The following ENTREP2 variants were observed in gnomAD, a reference collection of about 807,000 sequenced individuals.
ENTREP2 encodes endosomal transmembrane epsin interactor 2, also known as protein ENTREP2.
chr15:29,245,130 GTAA>G, the ENTREP2 span, among the ~76,000 whole-genome samples: 1,352 of 152,202 alleles, frequency 8.9e-3, 18 homozygotes, highest in African/African-American at 0.031. Flanking sequence ...TTCAATGCAA[GTAA>G]TAAAAAACTG....
At chr15:29,595,189 G>A in the ENTREP2 span, among the ~76,000 whole-genome samples, 3 of 151,958 alleles carry the variant, frequency 2.0e-5, no homozygotes, top group African/African-American at 7.3e-5. Context: ...GGAGGCGGAG[G>A]TTGCAGTGAG....
the ENTREP2 span, among the ~76,000 whole-genome samples, chr15:29,190,306 A>G: frequency 2.0e-5 from 3 of 152,252 alleles, no homozygotes; most frequent in African/African-American, 7.2e-5. Context: ...AGGAGGTAAG[A>G]AACCATCAAT....
chr15:29,137,656 G>A, the ENTREP2 span, among the ~76,000 whole-genome samples: 2 of 152,078 alleles, frequency 1.3e-5, no homozygotes, highest in African/African-American at 4.8e-5. Flanking sequence ...TCAACATGGC[G>A]AAACCCCGTC....
chr15:29,438,018 G>A, the ENTREP2 span, among the ~76,000 whole-genome samples: 5 of 152,164 alleles, frequency 3.3e-5, no homozygotes, highest in East Asian at 9.6e-4. Flanking sequence ...TAAAAATATG[G>A]CTGCCAGGAC....
chr15:29,427,911 G>A, the ENTREP2 span, among the ~76,000 whole-genome samples: 3 of 152,108 alleles, frequency 2.0e-5, no homozygotes, highest in Non-Finnish European at 4.4e-5. Context: ...ACTACATGGT[G>A]GCTGGAGCTT....
At chr15:29,378,237 C>G in the ENTREP2 span, among the ~76,000 whole-genome samples, 1 of 151,020 alleles carries the variant, frequency 6.6e-6, no homozygotes, top group Non-Finnish European at 1.5e-5. Flanking sequence ...GTAGGAAAAC[C>G]TACTCTTGCC....
chr15:29,315,208 C>A, the ENTREP2 span, among the ~76,000 whole-genome samples: 1 of 152,032 alleles, frequency 6.6e-6, no homozygotes, highest in African/African-American at 2.4e-5. Context: ...TAAAAAAAAT[C>A]ATCATTGTCT....
the ENTREP2 span, among the ~76,000 whole-genome samples, chr15:29,333,399 C>A: frequency 6.6e-6 from 1 of 152,098 alleles, no homozygotes; most frequent in African/African-American, 2.4e-5. Context: ...GCAGCCTGGC[C>A]AGCAGTCCAG....
the ENTREP2 span, among the ~76,000 whole-genome samples, chr15:29,381,508 G>A: frequency 6.8e-6 from 1 of 147,676 alleles, no homozygotes; most frequent in Non-Finnish European, 1.5e-5. Context: ...GGTCCTTACA[G>A]GAGGACAGCA....
At chr15:29,657,973 A>G in the ENTREP2 span, among the ~76,000 whole-genome samples, 3 of 151,154 alleles carry the variant, frequency 2.0e-5, no homozygotes. Context: ...TGCTATTAAT[A>G]CGTGAAAGAA....
chr15:29,231,719 A>C, the ENTREP2 span, among the ~76,000 whole-genome samples: 1 of 152,002 alleles, frequency 6.6e-6, no homozygotes, highest in African/African-American at 2.4e-5. Context: ...TAAACATATA[A>C]AATAAAACGC....
the ENTREP2 span, among the ~76,000 whole-genome samples, chr15:29,608,636 GCT>G: frequency 9.4e-4 from 142 of 151,514 alleles, no homozygotes; most frequent in South Asian, 3.8e-3. Flanking sequence ...CTCACTGCAA[GCT>G]CCGCCTCCCA....
chr15:29,315,349 C>T, the ENTREP2 span, among the ~76,000 whole-genome samples: 33,117 of 152,104 alleles, frequency 0.22, 6,794 homozygotes, highest in African/African-American at 0.55. Context: ...TAAAGCCCCC[C>T]TCTTGGCCGA....
the ENTREP2 span, among the ~76,000 whole-genome samples, chr15:29,658,745 C>A: frequency 2.6e-5 from 4 of 152,188 alleles, no homozygotes; most frequent in East Asian, 7.7e-4. Context: ...TCAGGTCAAC[C>A]TTTCATCTCT....
chr15:29,280,500 G>A, the ENTREP2 span, among the ~76,000 whole-genome samples: 6 of 152,196 alleles, frequency 3.9e-5, no homozygotes, highest in Non-Finnish European at 8.8e-5. Flanking sequence ...AAGAGGAAGA[G>A]GCAGGATACA....
chr15:29,337,449 G>A, the ENTREP2 span, among the ~76,000 whole-genome samples: 5 of 152,196 alleles, frequency 3.3e-5, no homozygotes, highest in Admixed American at 6.5e-5. Flanking sequence ...TGGTGACAGT[G>A]AGATTTTATC....
At chr15:29,596,432 G>A in the ENTREP2 span, among the ~76,000 whole-genome samples, 2 of 152,132 alleles carry the variant, frequency 1.3e-5, no homozygotes, top group African/African-American at 2.4e-5. Flanking sequence ...CAGTATACGT[G>A]TACGGTGGTT....
the ENTREP2 span, among the ~76,000 whole-genome samples, chr15:29,567,576 C>T: frequency 6.6e-6 from 1 of 152,140 alleles, no homozygotes; most frequent in African/African-American, 2.4e-5. Flanking sequence ...TTTCTTGAGG[C>T]TTTGGCTTGG....
the ENTREP2 span, among the ~76,000 whole-genome samples, chr15:29,197,858 C>T: frequency 1.3e-5 from 2 of 152,070 alleles, no homozygotes; most frequent in African/African-American, 4.8e-5. Context: ...AAGAAGTGCC[C>T]TGCTTTCCAA....
Sources: gnomAD v4.1 joint callset for allele counts (sites outside exome capture counted in the v4.1 genomes callset) on GRCh38, gnomAD v4.1.1 for gene constraint, MANE v1.5 for transcripts, NCBI Gene and HGNC (gene_info 2026-07-23, HGNC 2026-07-21) for gene names.